Variants in DOCK1 observed in about 807,000 individuals in gnomAD.
DOCK1 encodes dedicator of cytokinesis protein 1.
Under a neutral mutation model 262.7 loss-of-function variants are expected in DOCK1, and 138 were observed. That is an observed-to-expected ratio of 0.53 (90% CI 0.46 to 0.61). DOCK1 has a LOEUF of 0.61. Ranked by LOEUF, DOCK1 falls within the 20% of genes least tolerant of loss-of-function variation. The pLI is 0.00. For synonymous variants in DOCK1, 866 were observed against 867.4 expected (o/e 1.00, Z 0.03); for missense variants, 1,908 against 2,370.7 (o/e 0.80, Z 4.05).
chr10:127,380,210 C>T (rs1057304092), intron 36 of DOCK1, 88 bp downstream of exon 36: 6 of 1,064,588 alleles, frequency 5.6e-6, no homozygotes, highest in Admixed American at 3.2e-5. Context: ...GTGTTATAGC[C>T]GCAAAGGTTT....
intron 1 of DOCK1, among the ~76,000 whole-genome samples, chr10:126,909,030 C>T (rs557137992): frequency 1.3e-5 from 2 of 152,134 alleles, no homozygotes; most frequent in East Asian, 3.8e-4. Flanking sequence ...TGTTACATGG[C>T]AAAAGGGACT....
chr10:127,421,574 A>G (rs1387784693), intron 46 of DOCK1, among the ~76,000 whole-genome samples: 1 of 152,146 alleles, frequency 6.6e-6, no homozygotes, highest in Non-Finnish European at 1.5e-5. Flanking sequence ...CCATCTCCAG[A>G]GCCTTGTCAT....
At chr10:127,400,551 C>A (rs531878088) in intron 38 of DOCK1, among the ~76,000 whole-genome samples, 1 of 152,368 alleles carries the variant, frequency 6.6e-6, no homozygotes, top group African/African-American at 2.4e-5. Context: ...CACCGCTTAT[C>A]TGCTGTGTGT....
chr10:127,317,627 A>G (rs1447339465), intron 29 of DOCK1, among the ~76,000 whole-genome samples: 1 of 152,228 alleles, frequency 6.6e-6, no homozygotes, highest in African/African-American at 2.4e-5. Flanking sequence ...GCAATTCACC[A>G]AAACCACCTT....
chr10:127,171,781 G>A (rs1483442130), intron 27 of DOCK1, among the ~76,000 whole-genome samples: 1 of 152,156 alleles, frequency 6.6e-6, no homozygotes, highest in Non-Finnish European at 1.5e-5. Flanking sequence ...TTGGCCCACT[G>A]CAACCTCCAC....
At chr10:126,997,283 G>A (rs979591996) in intron 7 of DOCK1, among the ~76,000 whole-genome samples, 11 of 152,136 alleles carry the variant, frequency 7.2e-5, no homozygotes, top group African/African-American at 2.7e-4. Flanking sequence ...TATCATGTAT[G>A]CATTAGCCTG....
chr10:127,377,474 T>C (rs190600524), intron 35 of DOCK1, among the ~76,000 whole-genome samples: 5 of 152,244 alleles, frequency 3.3e-5, no homozygotes, highest in Admixed American at 3.3e-4. Context: ...AACATAGAAT[T>C]TACCAATGCT....
intron 49 of DOCK1, among the ~76,000 whole-genome samples, chr10:127,443,313 C>CAATTAGTAAAGTAGGGA (rs59196396): frequency 0.32 from 49,145 of 151,772 alleles, 8,342 homozygotes; most frequent in East Asian, 0.44. Flanking sequence ...GCCAAGAGAC[C>CAATTAGTAAAGTAGGGA]AATTAGTAAA....
intron 27 of DOCK1, among the ~76,000 whole-genome samples, chr10:127,154,699 G>T (rs2052862215): frequency 6.6e-6 from 1 of 152,118 alleles, no homozygotes; most frequent in African/African-American, 2.4e-5. Flanking sequence ...GGTCAGTTCT[G>T]TCAGACCCCT....
intron 27 of DOCK1, among the ~76,000 whole-genome samples, chr10:127,158,572 T>C (rs965738118): frequency 2.0e-5 from 3 of 152,188 alleles, no homozygotes; most frequent in Admixed American, 6.5e-5. Context: ...TTAATGTTGA[T>C]GTAGCCAAGT....
At chr10:127,011,134 A>T (rs2041408296) in intron 11 of DOCK1, among the ~76,000 whole-genome samples, 1 of 152,152 alleles carries the variant, frequency 6.6e-6, no homozygotes, top group South Asian at 2.1e-4. Context: ...ACTCTTATGT[A>T]ATTTGTGACT....
At chr10:127,109,303 A>G (rs190951064) in intron 24 of DOCK1, among the ~76,000 whole-genome samples, 1 of 152,328 alleles carries the variant, frequency 6.6e-6, no homozygotes, top group Non-Finnish European at 1.5e-5. Flanking sequence ...GTGTTTATGT[A>G]GTTACTAACA....
intron 29 of DOCK1, among the ~76,000 whole-genome samples, chr10:127,335,304 G>A (rs1168000526): frequency 3.3e-5 from 5 of 152,064 alleles, no homozygotes; most frequent in African/African-American, 4.8e-5. Flanking sequence ...AGAGTCAGGC[G>A]CATTCATACC....
intron 29 of DOCK1, among the ~76,000 whole-genome samples, chr10:127,259,436 A>G (rs1184858747): frequency 6.6e-6 from 1 of 152,224 alleles, no homozygotes; most frequent in Admixed American, 6.5e-5. Flanking sequence ...GAAAACAAGC[A>G]AACACATCAG....
chr10:127,357,459 C>G (rs2064202390), intron 32 of DOCK1, among the ~76,000 whole-genome samples: 1 of 152,182 alleles, frequency 6.6e-6, no homozygotes. Context: ...TTGGGTCTGA[C>G]ACAGAGCACT....
intron 44 of DOCK1, among the ~76,000 whole-genome samples, chr10:127,415,869 G>A (rs1220491010): frequency 2.0e-5 from 3 of 152,044 alleles, no homozygotes; most frequent in African/African-American, 7.3e-5. Context: ...GTATTGAAAT[G>A]TCAGGGCCAA....
At chr10:127,147,304 T>C (rs2051970831) in intron 27 of DOCK1, among the ~76,000 whole-genome samples, 1 of 152,120 alleles carries the variant, frequency 6.6e-6, no homozygotes, top group African/African-American at 2.4e-5. Flanking sequence ...TGGCTGTTTG[T>C]CCTCCTAGTT....
intron 25 of DOCK1, among the ~76,000 whole-genome samples, chr10:127,117,422 T>G (rs1292618772): frequency 6.6e-6 from 1 of 152,232 alleles, no homozygotes; most frequent in Non-Finnish European, 1.5e-5. Context: ...GAGTAATGCA[T>G]TCTGAAAACT....
At chr10:127,214,331 T>G (rs1310472798) in intron 27 of DOCK1, among the ~76,000 whole-genome samples, 1 of 152,362 alleles carries the variant, frequency 6.6e-6, no homozygotes, top group East Asian at 1.9e-4. Flanking sequence ...TTGGGATTCA[T>G]TTTCCCTCGC....
Sources: allele counts gnomAD v4.1 joint callset (sites outside exome capture counted in the v4.1 genomes callset), GRCh38; gene constraint gnomAD v4.1.1; transcripts MANE v1.5; gene names NCBI Gene and HGNC (gene_info 2026-07-23, HGNC 2026-07-21).